The following ZNF347 variants were observed in gnomAD, a reference collection of about 807,000 sequenced individuals.
ZNF347 encodes CTD-2620I22.7.
In ZNF347, 19 loss-of-function variants were observed where a neutral mutation model predicts 12.9. The ratio of observed to expected loss-of-function variants is 1.47; its 90% CI spans 1.03 to 2.16. ZNF347 has a LOEUF of 2.16. Among genes scored for constraint, ZNF347 ranks in the 30% most tolerant of loss-of-function variants. ZNF347 has a pLI of 0.00. For synonymous variants in ZNF347, 328 were observed against 340.6 expected (o/e 0.96, Z 0.41); for missense variants, 1,005 against 990.6 (o/e 1.01, Z -0.19).
rs527296967 is a variant in ZNF347, at chr19:53,140,152, G to A, written c.*156C>T. 1.1e-5 allele frequency: 8 copies of A among 702,122 alleles called. No homozygotes were observed. The highest frequency in any genetic ancestry group is 1.1e-4 in the African/African-American group (6 of 55,766). The allele number at this position is 702,122 out of a possible 1,614,324, so 43.5% of individuals were successfully genotyped here. On this transcript the variant is annotated 3_prime_UTR_variant, in exon 5 of 5. Transcript: ENST00000334197. ...TGACCTCAGGTGATCCACCTGCCTC[G>A]GACTCCCAAAGTGTTGGGATTACAG... is the stretch of plus-strand genomic sequence containing the variant.
intron 1 of ZNF347, among the ~76,000 whole-genome samples, chr19:53,158,301 G>T (rs2090548728): frequency 6.6e-6 from 1 of 152,164 alleles, no homozygotes; most frequent in South Asian, 2.1e-4. Context: ...AAGAGGGGTG[G>T]GGTCTGCAGG....
At chr19:53,142,660 AGC>A (rs2090437696) in intron 4 of ZNF347, 104 bp from the exon 5 acceptor site, 1 of 866,964 alleles carries the variant, frequency 1.2e-6, no homozygotes, top group African/African-American at 1.7e-5. Context: ...TTAAACCAAA[AGC>A]AATTCTTATA....
chr19:53,156,058 G>GGC (rs2090533614), intron 1 of ZNF347, among the ~76,000 whole-genome samples: 1 of 127,904 alleles, frequency 7.8e-6, no homozygotes, highest in Non-Finnish European at 1.7e-5. Context: ...GGGGGGGGGG[G>GGC]GGTTAGGCGG....
intron 1 of ZNF347, 116 bp downstream of exon 1, chr19:53,158,893 G>A (rs1444108469): frequency 2.5e-5 from 3 of 118,458 alleles, no homozygotes; most frequent in African/African-American, 9.0e-5. Context: ...GTAAATCTCC[G>A]TCTCACCAAA....
chr19:53,145,996 A>T (rs1232260517), intron 4 of ZNF347, among the ~76,000 whole-genome samples: 1 of 151,164 alleles, frequency 6.6e-6, no homozygotes, highest in Non-Finnish European at 1.5e-5. Flanking sequence ...TTTTTTTGAG[A>T]TGGAGTTTTG....
Position 53,155,969 on chromosome 19 carries a change from A to C in ZNF347, c.-46-2176T>G, listed in dbSNP as rs1482541984. 5.2e-5 allele frequency among the ~76,000 whole-genome samples: 7 copies of C among 134,292 alleles called. No homozygotes were observed. In the East Asian group the frequency reaches 1.7e-3, roughly 32 times the overall value. 88.1% of individuals were successfully genotyped at this position (134,292 alleles called of 152,430 possible). A position where few individuals can be genotyped will look rare whatever the true frequency, so the allele number is the denominator to read the frequency against. ...TCTGCTCTCACACTAAACACAGAAT[A>C]CTTCACCTCTAGTCACCAAAATGTG... On this transcript the variant is annotated intron_variant, in intron 1 of 4. Coordinates refer to ENST00000334197, the MANE Select transcript of ZNF347 (RefSeq NM_032584.3).
intron 1 of ZNF347, among the ~76,000 whole-genome samples, chr19:53,155,160 ACTC>A (rs1199225023): frequency 6.6e-6 from 1 of 151,782 alleles, no homozygotes; most frequent in African/African-American, 2.4e-5. Flanking sequence ...CTGGTCTCGA[ACTC>A]CTGACCTCAA....
intron 4 of ZNF347, among the ~76,000 whole-genome samples, chr19:53,143,052 AGTTT>A (rs1224326022): frequency 6.6e-6 from 1 of 152,216 alleles, no homozygotes; most frequent in Non-Finnish European, 1.5e-5. Flanking sequence ...TAAGCACAAC[AGTTT>A]GTTAAGTGAT....
intron 2 of ZNF347, among the ~76,000 whole-genome samples, chr19:53,152,732 C>A (rs1038947715): frequency 6.6e-6 from 1 of 151,918 alleles, no homozygotes; most frequent in Non-Finnish European, 1.5e-5. Context: ...AGTTCGAGAC[C>A]ATCCTGGCTA....
chr19:53,139,641 A>C lies in ZNF347; in HGVS notation c.*667T>G, dbSNP rs2090406984. ...TGTGCAGTTTATCATTTTAAAAGTGAATCAAAGAACTAGAGACTGAGTCAC... is the reference window on the plus strand; with the variant it reads ...TGTGCAGTTTATCATTTTAAAAGTGCATCAAAGAACTAGAGACTGAGTCAC... On this transcript the variant is annotated 3_prime_UTR_variant, in exon 5 of 5. Coordinates refer to ENST00000334197, the MANE Select transcript of ZNF347 (RefSeq NM_032584.3). 6.6e-6 allele frequency: 1 copy of C among 152,224 alleles called. No individual in the cohort carries two copies. The highest frequency in any genetic ancestry group is 1.5e-5 in the Non-Finnish European group (1 of 68,036). The allele number at this position is 152,224 out of a possible 1,614,324, so 9.4% of individuals were successfully genotyped here.
chr19:53,141,394 A>C lies in ZNF347; in HGVS notation c.1434T>G (p.Ile478Met). The change falls in exon 5 of 5, where the codon ATT becomes ATG. Residue 478 changes from isoleucine (I) to methionine (M), a missense_variant. Coordinates refer to ENST00000334197, the MANE Select transcript of ZNF347 (RefSeq NM_032584.3). ...RNSHLARHQL[I>M]HTGEKPYKCN... ...ACTTATAAGGTTTCTCTCCAGTATG[A>C]ATTAGCTGATGCCTTGCAAGGTGTG... 1 of 1,613,984 alleles carries C rather than the reference A, an allele frequency of 6.2e-7. No individual in the cohort carries two copies.
At position 53,140,486 on chromosome 19, in the gene ZNF347, G is replaced by C. The variant is rs1403273647; in HGVS notation, c.2342C>G (p.Ala781Gly). The change falls in exon 5 of 5, where the codon GCA (alanine) becomes GGA (glycine). Residue 781 changes from alanine (A) to glycine (G), a missense_variant. By Grantham distance (60) the Ala-to-Gly change is moderately conservative. Coordinates refer to ENST00000334197, the MANE Select transcript of ZNF347 (RefSeq NM_032584.3). ...GKAFSQTSKL[A>G]RHQRIHTGEK... is the part of the protein sequence containing the mutation. ...TCCGGTATGAATTCTCTGATGCCTTGCAAGTTTTGAAGTTTGACTAAAGGC... is the reference window on the plus strand; with the variant it reads ...TCCGGTATGAATTCTCTGATGCCTTCCAAGTTTTGAAGTTTGACTAAAGGC... The C allele has an allele frequency of 6.2e-7, 1 of 1,613,704 alleles. No homozygotes were observed. Among genetic ancestry groups the C allele is most frequent in the Non-Finnish European group, 8.5e-7 (1 of 1,179,846 alleles).
intron 1 of ZNF347, among the ~76,000 whole-genome samples, chr19:53,157,843 T>C (rs756475874): frequency 6.6e-6 from 1 of 152,174 alleles, no homozygotes; most frequent in Non-Finnish European, 1.5e-5. Flanking sequence ...TCTGGCCCTC[T>C]CCCTACCTTG....
intron 2 of ZNF347, among the ~76,000 whole-genome samples, chr19:53,153,426 T>C (rs1436725089): frequency 6.6e-6 from 1 of 152,082 alleles, no homozygotes; most frequent in Non-Finnish European, 1.5e-5. Context: ...CATCCAGATG[T>C]GGCCCCTGAA....
At chr19:53,148,913 A>C in intron 3 of ZNF347, 104 bp from the exon 4 acceptor site, 1 of 1,444,584 alleles carries the variant, frequency 6.9e-7, no homozygotes. Context: ...CTAAAAAAAC[A>C]CTTCAAAAAT....
Position 53,153,773 on chromosome 19 carries a change from C to T in ZNF347, c.-26G>A. 6.2e-7 allele frequency: 1 copy of T among 1,614,098 alleles called. No homozygotes were observed. The highest frequency in any genetic ancestry group is 2.2e-5 in the East Asian group (1 of 44,884). On this transcript the variant is annotated 5_prime_UTR_variant, in exon 2 of 5. Coordinates refer to ENST00000334197, the MANE Select transcript of ZNF347 (RefSeq NM_032584.3). ...GCCTGACTTGTCTTTCTTTCCTCTT[C>T]CTCTTCTTCAAGGGTTCTTCCTTAG... is the stretch of plus-strand genomic sequence containing the variant.
chr19:53,145,522 A>G (rs2090457559), intron 4 of ZNF347, among the ~76,000 whole-genome samples: 1 of 151,264 alleles, frequency 6.6e-6, no homozygotes, highest in Admixed American at 6.6e-5. Flanking sequence ...CCCCCCAAGT[A>G]GCAGAGACCA....
In ZNF347 at chr19:53,137,665, T is replaced by C. The variant is rs757362206; in HGVS notation, c.*2643A>G. The C allele has an allele frequency of 7.2e-5, 11 of 152,210 alleles. No homozygotes were observed. The highest frequency in any genetic ancestry group is 5.2e-4 in the Admixed American group (8 of 15,286). 9.4% of individuals were successfully genotyped at this position (152,210 alleles called of 1,614,324 possible). The stretch of plus-strand genomic sequence containing the variant: ...ATGATAAGGCTAAATTTATGAAACT[T>C]CTAGTTTACCTACAAAAACAAAATT... On this transcript the variant is annotated 3_prime_UTR_variant, in exon 5 of 5. Transcript: ENST00000334197.
At position 53,136,742 on chromosome 19, in the gene ZNF347, G is replaced by C. The variant is rs1009676194; in HGVS notation, c.*3566C>G. ...ACAAATTCATTTGCATTGAACTACT[G>C]TAAAAATATTTTAGGCAATTTAAAC... On this transcript the variant is annotated 3_prime_UTR_variant, in exon 5 of 5. Coordinates refer to ENST00000334197, the MANE Select transcript of ZNF347 (RefSeq NM_032584.3). 4.6e-5 allele frequency: 7 copies of C among 152,072 alleles called. No individual in the cohort carries two copies. The highest frequency in any genetic ancestry group is 8.8e-5 in the Non-Finnish European group (6 of 68,024). The allele number at this position is 152,072 out of a possible 1,614,324, so 9.4% of individuals were successfully genotyped here.
Sources: gnomAD v4.1 joint callset for allele counts (sites outside exome capture counted in the v4.1 genomes callset) on GRCh38, gnomAD v4.1.1 for gene constraint, MANE v1.5 for transcripts, NCBI Gene and HGNC (gene_info 2026-07-23, HGNC 2026-07-21) for gene names.